Variants in KAZN observed in about 807,000 individuals in gnomAD.
The protein encoded by KAZN is kazrin, periplakin interacting protein, also known as kazrin.
In KAZN, 40 loss-of-function variants were observed where a neutral mutation model predicts 87.4. The ratio of observed to expected loss-of-function variants is 0.46; its 90% CI spans 0.36 to 0.60. The LOEUF is 0.60. KAZN is among the 20% of genes least tolerant of loss of function. The probability of loss-of-function intolerance (pLI) is 0.00; values close to 1 mark genes in which losing one functional copy is unlikely to be tolerated. For missense variants in KAZN, 898 were observed against 1,073.9 expected (o/e 0.84, Z 2.29); for synonymous variants, 466 against 458.3 (o/e 1.02, Z -0.22).
intron 2 of KAZN, among the ~76,000 whole-genome samples, chr1:14,539,731 G>T (rs575355569): frequency 1.3e-5 from 2 of 151,134 alleles, no homozygotes; most frequent in Non-Finnish European, 2.9e-5. Flanking sequence ...AAAAAAAAAC[G>T]CCAGACGTTT....
chr1:13,941,870 A>G (rs12135233), intron 1 of KAZN, among the ~76,000 whole-genome samples: 21,136 of 152,158 alleles, frequency 0.14, 1,566 homozygotes, highest in Middle Eastern at 0.22. Flanking sequence ...GAGAAATCCA[A>G]TGATGTTAGT....
intron 2 of KAZN, among the ~76,000 whole-genome samples, chr1:14,475,921 T>G (rs1257976324): frequency 6.6e-6 from 1 of 152,144 alleles, no homozygotes; most frequent in African/African-American, 2.4e-5. Flanking sequence ...TCTTCTTTTG[T>G]GTTATCTTGA....
At chr1:13,992,350 C>T (rs1378082080) in intron 1 of KAZN, among the ~76,000 whole-genome samples, 3 of 152,102 alleles carry the variant, frequency 2.0e-5, no homozygotes, top group Non-Finnish European at 2.9e-5. Flanking sequence ...GTCATCTCTT[C>T]CATTCCTATT....
chr1:14,390,962 A>T lies in KAZN; in HGVS notation c.250-208021A>T, dbSNP rs149470280. Among the ~76,000 whole-genome samples the T allele has an allele frequency of 5.6e-3, 848 of 152,354 alleles. 12 individuals carry two copies. The highest frequency in any genetic ancestry group is 0.019 in the African/African-American group (806 of 41,584). The stretch of plus-strand genomic sequence containing the variant: ...AAACCACAGCAGTTGGCAAAGGGCC[A>T]GGCCATTGTGAAGATATTGGCTTCG... On this transcript the variant is annotated intron_variant, in intron 2 of 16. Transcript: ENST00000636203.
At chr1:14,073,632 T>C (rs189258856) in intron 1 of KAZN, among the ~76,000 whole-genome samples, 15 of 152,246 alleles carry the variant, frequency 9.9e-5, no homozygotes, top group African/African-American at 3.6e-4. Context: ...CTCCCACTTA[T>C]GAGTGAGAAC....
chr1:14,448,005 T>G (rs1323801097), intron 2 of KAZN, among the ~76,000 whole-genome samples: 1 of 152,174 alleles, frequency 6.6e-6, no homozygotes, highest in Non-Finnish European at 1.5e-5. Flanking sequence ...GGACCTGTGG[T>G]TTGAGCTCTG....
Position 15,081,815 on chromosome 1 carries a change from T to A in KAZN, c.1223-12365T>A, listed in dbSNP as rs1640017978. ...GGTGCCAAGGGCAGGGGTGAGAAGC[T>A]AAGGATGAAGCTGGCAAGGTCGGCC... On this transcript the variant is annotated intron_variant, in intron 8 of 14. Coordinates refer to ENST00000376030, the MANE Select transcript of KAZN (RefSeq NM_201628.3). This position sits in a 1 kb window ranked among gnomAD's most constrained non-coding sequence, Gnocchi z 4.1. Among the ~76,000 whole-genome samples, 1 of 151,804 alleles carries A rather than the reference T, an allele frequency of 6.6e-6. No individual in the cohort carries two copies. Among genetic ancestry groups the A allele is most frequent in the South Asian group, 2.1e-4 (1 of 4,800 alleles).
chr1:13,897,279 A>G (rs951566395), intron 1 of KAZN, among the ~76,000 whole-genome samples: 2 of 152,242 alleles, frequency 1.3e-5, no homozygotes, highest in Non-Finnish European at 2.9e-5. Context: ...AGAAAAAACA[A>G]AAACTTTGCT....
At chr1:14,406,056 C>T (rs1261410452) in intron 2 of KAZN, among the ~76,000 whole-genome samples, 1 of 152,056 alleles carries the variant, frequency 6.6e-6, no homozygotes, top group Admixed American at 6.6e-5. Flanking sequence ...TGACTATGGT[C>T]AACAATAACT....
At chr1:14,073,064 G>C (rs28697868) in intron 1 of KAZN, among the ~76,000 whole-genome samples, 4,708 of 152,220 alleles carry the variant, frequency 0.031, 235 homozygotes, top group African/African-American at 0.11. Flanking sequence ...ATGATGGCAG[G>C]GTAAGGCAGT....
At chr1:14,678,915 C>T (rs894576441) in intron 1 of KAZN, among the ~76,000 whole-genome samples, 2 of 152,180 alleles carry the variant, frequency 1.3e-5, no homozygotes, top group African/African-American at 4.8e-5. Context: ...CTTTTTGGAG[C>T]TTACAGGTTA....
At chr1:13,991,757 C>T (rs970406946) in intron 1 of KAZN, among the ~76,000 whole-genome samples, 1 of 152,068 alleles carries the variant, frequency 6.6e-6, no homozygotes, top group Non-Finnish European at 1.5e-5. Flanking sequence ...CTCTTCTGCA[C>T]CCCTGCCCTC....
intron 1 of KAZN, among the ~76,000 whole-genome samples, chr1:14,696,794 C>T (rs770246576): frequency 4.6e-5 from 7 of 152,172 alleles, no homozygotes; most frequent in Non-Finnish European, 1.0e-4. Context: ...CTCCAGGGAC[C>T]ACACCTTGAG....
chr1:14,037,766 T>C (rs2101374743), intron 1 of KAZN, among the ~76,000 whole-genome samples: 1 of 152,340 alleles, frequency 6.6e-6, no homozygotes, highest in South Asian at 2.1e-4. Context: ...CTCCCAGCCG[T>C]GCTGCCTGAG....
rs113192459 is a variant in KAZN, at chr1:14,186,502, A to G, written c.249+5910A>G. 4.5e-3 allele frequency among the ~76,000 whole-genome samples: 682 copies of G among 152,266 alleles called. 3 individuals carry two copies. Among genetic ancestry groups the G allele is most frequent in the African/African-American group, 0.015 (642 of 41,560 alleles). Reference sequence around the variant, plus strand: ...TTTAGGTGTCAAAAGCTTAAAAGCAATTGTTTCAGCGTGCTGTGGTTAGGA... The same window carrying G: ...TTTAGGTGTCAAAAGCTTAAAAGCAGTTGTTTCAGCGTGCTGTGGTTAGGA... On this transcript the variant is annotated intron_variant, in intron 2 of 16. Transcript: ENST00000636203.
intron 2 of KAZN, among the ~76,000 whole-genome samples, chr1:14,477,605 A>G (rs1668824016): frequency 6.6e-6 from 1 of 152,120 alleles, no homozygotes; most frequent in Admixed American, 6.5e-5. Flanking sequence ...CTTGGTTCAC[A>G]TAGCCTGCAG....
rs947243396 is a variant in KAZN at position 14,645,820 on chromosome 1, G to C, written c.226+46597G>C. 4.6e-5 allele frequency among the ~76,000 whole-genome samples: 7 copies of C among 152,254 alleles called. No homozygotes were observed. In the Middle Eastern group the frequency reaches 0.01, roughly 222 times the overall value. On this transcript the variant is annotated intron_variant, in intron 1 of 14. Coordinates refer to ENST00000376030, the MANE Select transcript of KAZN (RefSeq NM_201628.3). Reference sequence around the variant, plus strand: ...TGGTGAGAGAGGGCATCCTTGTCTTGTGCCAGTTTTCAAGGGGAATGCTTC... The same window carrying C: ...TGGTGAGAGAGGGCATCCTTGTCTTCTGCCAGTTTTCAAGGGGAATGCTTC...
intron 1 of KAZN, among the ~76,000 whole-genome samples, chr1:14,093,663 A>G (rs937336341): frequency 1.3e-5 from 2 of 152,200 alleles, no homozygotes; most frequent in African/African-American, 4.8e-5. Context: ...GCTGAAAAAA[A>G]AACAAAAACA....
At chr1:14,601,029 A>G (rs1676928689) in intron 1 of KAZN, among the ~76,000 whole-genome samples, 1 of 152,184 alleles carries the variant, frequency 6.6e-6, no homozygotes, top group African/African-American at 2.4e-5. Context: ...TTCCTACACA[A>G]ATGCACAGGG....
Sources: allele counts gnomAD v4.1 joint callset (sites outside exome capture counted in the v4.1 genomes callset), GRCh38; gene constraint gnomAD v4.1.1; non-coding constraint Gnocchi (gnomAD v3.1); transcripts MANE v1.5; gene names NCBI Gene and HGNC (gene_info 2026-07-23, HGNC 2026-07-21).